Variants in PUM1 observed in about 807,000 individuals in gnomAD.
PUM1 encodes pumilio homolog 1.
PUM1 carries 13 observed loss-of-function variants against 131.8 expected under a neutral mutation model. The ratio of observed to expected loss-of-function variants is 0.10; its 90% CI spans 0.06 to 0.16. PUM1 has a LOEUF of 0.16. PUM1 is among the 10% of genes least tolerant of loss of function. The pLI is 1.00. For missense variants in PUM1, 961 were observed against 1,512.4 expected, an observed-to-expected ratio of 0.64 and a Z score of 6.05; for synonymous variants, 509 against 556.5, an observed-to-expected ratio of 0.91 and a Z score of 1.20.
At chr1:30,934,787 C>T (rs1426633680) in intron 21 of PUM1, among the ~76,000 whole-genome samples, 2 of 152,134 alleles carry the variant, frequency 1.3e-5, no homozygotes. Flanking sequence ...CAAGTCCAGG[C>T]ACTTCACCTT....
In PUM1 at chr1:31,033,166, G is replaced by A. The variant is rs998604142; in HGVS notation, c.364-4302C>T. Among the ~76,000 whole-genome samples the A allele has an allele frequency of 1.4e-4, 21 of 151,606 alleles. No individual in the cohort carries two copies. The South Asian group carries it at 1.5e-3, about 10-fold the overall frequency. On this transcript the variant is annotated intron_variant, in intron 2 of 21. Transcript: ENST00000426105. ...GAATTAGGAGACCATATTGGTTATC[G>A]AGCCAAAAAATAAAGGAAGTTTAGA...
At chr1:30,965,865 G>A (rs1640599919) in intron 13 of PUM1, 117 bp downstream of exon 13, 2 of 1,076,662 alleles carry the variant, frequency 1.9e-6, no homozygotes, top group Non-Finnish European at 2.6e-6. Context: ...TGGGATGGCT[G>A]GATTCCCACA....
rs35765126 is a variant in PUM1, at chr1:31,051,302, ATT to A, written c.363+7900_363+7901del. On this transcript the variant is annotated intron_variant, in intron 2 of 21. Transcript: ENST00000426105. ...GAGTCAAAATATATTCATCCACTGA[ATT>A]TTTTTTTTTTTTTTTTGAGACGGCA... 3.9e-4 allele frequency among the ~76,000 whole-genome samples: 55 copies of A among 140,850 alleles called. No individual in the cohort carries two copies. The South Asian group carries it at 5.9e-3, about 15-fold the overall frequency. 92.4% of individuals were successfully genotyped at this position (140,850 alleles called of 152,430 possible).
chr1:30,933,439 T>TACAC (rs58664754), intron 21 of PUM1, 97 bp from the exon 22 acceptor site: 11,489 of 362,596 alleles, frequency 0.032, 179 homozygotes, highest in South Asian at 0.037. Flanking sequence ...CACACACACA[T>TACAC]ACACACACAC....
At chr1:30,970,347 T>A (rs899147357) in intron 10 of PUM1, among the ~76,000 whole-genome samples, 6 of 152,224 alleles carry the variant, frequency 3.9e-5, no homozygotes, top group Admixed American at 3.3e-4. Flanking sequence ...CAAGAAGGGA[T>A]GTGTGGACAC....
chr1:30,960,418 A>G (rs1378933603), intron 14 of PUM1, among the ~76,000 whole-genome samples: 12 of 152,212 alleles, frequency 7.9e-5, no homozygotes. Flanking sequence ...GTGCAATCAG[A>G]CAAGAAAAAG....
chr1:30,969,331 A>AG (rs1553146890), intron 10 of PUM1, among the ~76,000 whole-genome samples: 3 of 148,158 alleles, frequency 2.0e-5, no homozygotes, highest in Admixed American at 6.8e-5. Context: ...AAAAAAAAAA[A>AG]AAAAAGAAAA....
chr1:30,977,688 C>T (rs1256253285), intron 9 of PUM1, among the ~76,000 whole-genome samples: 2 of 152,170 alleles, frequency 1.3e-5, no homozygotes, highest in Non-Finnish European at 2.9e-5. Flanking sequence ...TTCACCCTGG[C>T]TCAACTGACA....
chr1:31,056,622 T>C (rs1250764682), intron 2 of PUM1, among the ~76,000 whole-genome samples: 27 of 102,678 alleles, frequency 2.6e-4, no homozygotes, highest in African/African-American at 6.5e-4. Flanking sequence ...TTTTTTTTTT[T>C]TTTTTTTTTT....
intron 2 of PUM1, among the ~76,000 whole-genome samples, chr1:31,034,037 T>C (rs770676251): frequency 1.3e-5 from 2 of 152,208 alleles, no homozygotes; most frequent in African/African-American, 4.8e-5. Flanking sequence ...ATAATTACAA[T>C]TTATCCATTT....
chr1:31,016,796 C>A (rs1557587555), intron 3 of PUM1, among the ~76,000 whole-genome samples: 1 of 152,170 alleles, frequency 6.6e-6, no homozygotes, highest in Non-Finnish European at 1.5e-5. Flanking sequence ...CAAAATGCCT[C>A]TTTTGGCTGA....
At chr1:30,986,559 A>C (rs1191568912) in intron 7 of PUM1, among the ~76,000 whole-genome samples, 1 of 152,148 alleles carries the variant, frequency 6.6e-6, no homozygotes, top group South Asian at 2.1e-4. Context: ...AACTAAAAAA[A>C]AAAAATCATC....
intron 14 of PUM1, among the ~76,000 whole-genome samples, chr1:30,955,614 G>A (rs1272887252): frequency 6.6e-6 from 1 of 152,132 alleles, no homozygotes; most frequent in Non-Finnish European, 1.5e-5. Context: ...GCCAAAGGAG[G>A]TAAGAAATAT....
chr1:30,959,937 T>G (rs992855216), intron 14 of PUM1, among the ~76,000 whole-genome samples: 9 of 150,896 alleles, frequency 6.0e-5, no homozygotes, highest in African/African-American at 1.9e-4. Flanking sequence ...AAAAAACACT[T>G]GACAAAAACT....
At chr1:31,030,408 A>G (rs567219458) in intron 2 of PUM1, among the ~76,000 whole-genome samples, 1 of 152,228 alleles carries the variant, frequency 6.6e-6, no homozygotes, top group Non-Finnish European at 1.5e-5. Context: ...AAGAGTATGG[A>G]GAACATGAGC....
At chr1:31,058,079 T>C (rs1308131463) in intron 2 of PUM1, among the ~76,000 whole-genome samples, 1 of 152,210 alleles carries the variant, frequency 6.6e-6, no homozygotes, top group Non-Finnish European at 1.5e-5. Flanking sequence ...AGACTGAACA[T>C]GTTAAAATTA....
chr1:30,990,824 C>G (rs961644248), intron 7 of PUM1, among the ~76,000 whole-genome samples: 1 of 152,166 alleles, frequency 6.6e-6, no homozygotes. Flanking sequence ...AAGAGATTAA[C>G]TTTCAAAATA....
intron 1 of PUM1, among the ~76,000 whole-genome samples, chr1:31,063,497 G>C (rs1184312252): frequency 6.6e-6 from 1 of 151,994 alleles, no homozygotes; most frequent in Non-Finnish European, 1.5e-5. Flanking sequence ...GATAATGAGA[G>C]ATTACCTAAG....
intron 15 of PUM1, among the ~76,000 whole-genome samples, chr1:30,953,437 G>GAGTTT (rs1640030450): frequency 6.6e-6 from 1 of 152,184 alleles, no homozygotes; most frequent in African/African-American, 2.4e-5. Flanking sequence ...TGGTAGAGCT[G>GAGTTT]TCTTACTCCT....
Sources: allele counts gnomAD v4.1 joint callset (sites outside exome capture counted in the v4.1 genomes callset), GRCh38; gene constraint gnomAD v4.1.1; transcripts MANE v1.5; gene names NCBI Gene and HGNC (gene_info 2026-07-23, HGNC 2026-07-21).